The following NLRP9 variants were observed in gnomAD, a reference collection of about 807,000 sequenced individuals.
NLRP9 encodes the protein NACHT, LRR and PYD domains-containing protein 9.
A neutral mutation model predicts 83.1 loss-of-function variants in NLRP9; 88 were observed. The ratio of observed to expected loss-of-function variants is 1.06; its 90% CI spans 0.89 to 1.26. The LOEUF (loss-of-function observed/expected upper bound fraction) is 1.26, where lower values mean the gene tolerates loss of function less well. NLRP9 is among the 50% of genes most tolerant of loss of function. The pLI is 0.00. For synonymous variants in NLRP9, 521 were observed against 447.6 expected (o/e 1.16, Z -2.07); for missense variants, 1,308 against 1,179.3 (o/e 1.11, Z -1.60).
chr19:55,711,273 A>G, intron 8 of NLRP9: 1 of 691,052 alleles, frequency 1.4e-6, no homozygotes, highest in Non-Finnish European at 1.8e-6. Flanking sequence ...TTTAAAAATT[A>G]AAAAAATAAA....
At position 55,738,246 on chromosome 19, in the gene NLRP9, G is replaced by A; in HGVS notation, c.129C>T (p.Pro43=). The change falls in exon 1 of 9, where the codon CCC becomes CCT. Residue 43 remains proline (P), a synonymous_variant. Transcript: ENST00000332836. ...TGGAGGCCTTCTTCAGCTCAGCCCA[G>A]GGGATTGGCTTGAGTTCAAATTTCT... ...PLEKFELKPI[P]WAELKKASKE... 1.2e-6 allele frequency: 2 copies of A among 1,614,138 alleles called. No homozygotes were observed. Among genetic ancestry groups the A allele is most frequent in the African/African-American group, 1.3e-5 (1 of 75,034 alleles).
In NLRP9 at chr19:55,733,543, T is replaced by C. The variant is rs1988674046; in HGVS notation, c.288A>G (p.Leu96=). Residue 96 remains leucine, a synonymous_variant, in exon 2 of 9, where the codon CTA becomes CTG. Coordinates refer to ENST00000332836, the MANE Select transcript of NLRP9 (RefSeq NM_176820.4). ...CCTTCATATGCTTTCTGTATGGGTT[T>C]AGCTTATCTGTGTTAATGAGAACAG... ...TKAQEEMRNK[L]NPYRKHMKET... is the part of the protein sequence containing the mutation. The C allele has an allele frequency of 2.6e-6, 4 of 1,562,786 alleles. No individual in the cohort carries two copies. Among genetic ancestry groups the C allele is most frequent in the Non-Finnish European group, 3.5e-6 (4 of 1,149,740 alleles).
intron 5 of NLRP9, 28 bp downstream of exon 5, chr19:55,716,700 C>T (rs749490934): frequency 3.2e-5 from 51 of 1,600,738 alleles, no homozygotes; most frequent in African/African-American, 5.4e-5. Context: ...CAGAAATCTC[C>T]GAACGTGCTT....
rs1226517674 is a variant in NLRP9 at position 55,733,258 on chromosome 19, G to A, written c.573C>T (p.Asn191=). The part of the protein sequence containing the change: ...FVFFLNVCEM[N]GIAETSLLEL... ...CCAGTAAGCTGGTCTCTGCGATACC[G>A]TTCATTTCACAGACATTGAGGAAAA... Residue 191 remains asparagine (N), a synonymous_variant, in exon 2 of 9, where the codon AAC becomes AAT. Coordinates refer to ENST00000332836, the MANE Select transcript of NLRP9 (RefSeq NM_176820.4). 8.7e-6 allele frequency: 14 copies of A among 1,613,654 alleles called. No homozygotes were observed. Among genetic ancestry groups the A allele is most frequent in the South Asian group, 5.5e-5 (5 of 91,046 alleles).
chr19:55,732,663 C>T lies in NLRP9; in HGVS notation c.1168G>A (p.Ala390Thr), dbSNP rs777812299. ...AAAGCACACAGGCTTTTTAGTCGGGCTCTGTTCACCTTAGGTGGAAAACTC... is the reference window on the plus strand; with the variant it reads ...AAAGCACACAGGCTTTTTAGTCGGGTTCTGTTCACCTTAGGTGGAAAACTC... The part of the protein sequence containing the change: ...SQSFPPKVNR[A>T]RLKSLCALAA... Residue 390 changes from alanine to threonine, a missense_variant, in exon 2 of 9, where the codon GCC (alanine) becomes ACC (threonine). By Grantham distance (58) the Ala-to-Thr change is moderately conservative (BLOSUM62 0). Transcript: ENST00000332836. The T allele has an allele frequency of 3.1e-6, 5 of 1,614,072 alleles. No individual in the cohort carries two copies. In the African/African-American group the frequency reaches 6.7e-5, roughly 22 times the overall value.
intron 3 of NLRP9, among the ~76,000 whole-genome samples, chr19:55,728,495 C>T (rs1988465928): frequency 6.6e-6 from 1 of 152,064 alleles, no homozygotes; most frequent in African/African-American, 2.4e-5. Flanking sequence ...TCGCTTGAAC[C>T]CGGGAGGTGG....
chr19:55,719,274 T>A (rs1988142628), intron 4 of NLRP9, among the ~76,000 whole-genome samples: 1 of 152,194 alleles, frequency 6.6e-6, no homozygotes, highest in Admixed American at 6.5e-5. Context: ...CACCTCAGCC[T>A]CCCAACTAGC....
At position 55,732,056 on chromosome 19, in the gene NLRP9, G is replaced by A. The variant is rs375858611; in HGVS notation, c.1775C>T (p.Thr592Met). The change falls in exon 2 of 9, where the codon ACG becomes ATG. Residue 592 changes from threonine to methionine, a missense_variant. Transcript: ENST00000332836. ...ATTCTCCACACACATGCGAAGTGTC[G>A]TTAAATGTTGACAATGCTTCAGGCA... ...SFCLKHCQHL[T>M]TLRMCVENIF... The A allele has an allele frequency of 4.4e-5, 70 of 1,604,944 alleles. No homozygotes were observed. The highest frequency in any genetic ancestry group is 5.2e-5 in the Non-Finnish European group (61 of 1,176,986).
intron 8 of NLRP9, chr19:55,709,439 A>C (rs1374437096): frequency 1.3e-5 from 2 of 153,068 alleles, no homozygotes; most frequent in African/African-American, 4.8e-5. Flanking sequence ...TCATGTACCC[A>C]TCACCAACTT....
In NLRP9 at chr19:55,734,323, C is replaced by T. The variant is rs575291872; in HGVS notation, c.281-773G>A. 2.2e-5 allele frequency among the ~76,000 whole-genome samples: 3 copies of T among 134,892 alleles called. No homozygotes were observed. In the East Asian group the frequency reaches 6.6e-4, roughly 30 times the overall value. The allele number at this position is 134,892 out of a possible 152,430, so 88.5% of individuals were successfully genotyped here. A position where few individuals can be genotyped will look rare whatever the true frequency, so the allele number is the denominator to read the frequency against. On this transcript the variant is annotated intron_variant, in intron 1 of 8. Transcript: ENST00000332836. The stretch of plus-strand genomic sequence containing the variant: ...AGATTGCAATAAGCCAACATTACAC[C>T]ACTGCACTCAAGCCTGGGCAACAGC...
At chr19:55,720,427 G>A (rs988771936) in intron 4 of NLRP9, among the ~76,000 whole-genome samples, 1 of 152,232 alleles carries the variant, frequency 6.6e-6, no homozygotes, top group Non-Finnish European at 1.5e-5. Flanking sequence ...TTGGGCTCAA[G>A]AGATCCTCCT....
intron 6 of NLRP9, among the ~76,000 whole-genome samples, chr19:55,713,290 T>C (rs1035352473): frequency 3.3e-5 from 5 of 151,480 alleles, no homozygotes; most frequent in Admixed American, 6.6e-5. Flanking sequence ...TACTCCCTAA[T>C]ACAGATAGAC....
chr19:55,734,037 C>T (rs1044087379), intron 1 of NLRP9, among the ~76,000 whole-genome samples: 65 of 150,526 alleles, frequency 4.3e-4, no homozygotes, highest in Non-Finnish European at 8.9e-4. Context: ...ATTCTCCTGC[C>T]GCAGCCTCCC....
At chr19:55,730,088 C>G in intron 2 of NLRP9, 96 bp from the exon 3 acceptor site, 1 of 1,111,940 alleles carries the variant, frequency 9.0e-7, no homozygotes, top group Non-Finnish European at 1.3e-6. Flanking sequence ...CACCTCAAAG[C>G]TGACAGACAC....
intron 8 of NLRP9, chr19:55,711,268 A>G: frequency 4.6e-6 from 3 of 659,066 alleles, no homozygotes; most frequent in Non-Finnish European, 5.6e-6. Context: ...TAACTTTTAA[A>G]AATTAAAAAA....
At position 55,733,497 on chromosome 19, in the gene NLRP9, C is replaced by A; in HGVS notation, c.334G>T (p.Glu112Ter). Residue 112 changes from glutamate (E) to a stop codon, truncating the protein, a stop_gained, in exon 2 of 9, where the codon GAG becomes TAG. Coordinates refer to ENST00000332836, the MANE Select transcript of NLRP9 (RefSeq NM_176820.4). LOFTEE classifies it high-confidence loss of function. ...HMKETFQLIWEKETCLHVPEH... is the reference protein window; with the variant it reads ...HMKETFQLIW ...GGGACGTGAAGACAGGTTTCCTTCT[C>A]CCATATGAGTTGAAATGTTTCCTTC... 6.2e-7 allele frequency: 1 copy of A among 1,611,182 alleles called. No homozygotes were observed. Among genetic ancestry groups the A allele is most frequent in the South Asian group, 1.1e-5 (1 of 90,454 alleles).
Position 55,732,812 on chromosome 19 carries a change from C to T in NLRP9, c.1019G>A (p.Cys340Tyr). The change falls in exon 2 of 9, where the codon TGC becomes TAC. Residue 340 changes from cysteine (C) to tyrosine (Y), a missense_variant. By Grantham distance (194) the Cys-to-Tyr change is radical (BLOSUM62 -2). Coordinates refer to ENST00000332836, the MANE Select transcript of NLRP9 (RefSeq NM_176820.4). ...LFILCHNPFT[C>Y]WLVCTCVKQR... ...TTTCACACAAGTACAGACCAACCAG[C>T]ACGTAAAGGGATTATGGCACAAGAT... is the stretch of plus-strand genomic sequence containing the variant. The T allele has an allele frequency of 6.2e-7, 1 of 1,614,146 alleles. No individual in the cohort carries two copies. The highest frequency in any genetic ancestry group is 8.5e-7 in the Non-Finnish European group (1 of 1,180,024).
At chr19:55,712,751 G>A (rs1987792328) in intron 6 of NLRP9, among the ~76,000 whole-genome samples, 161 bp from the exon 7 acceptor site, 1 of 103,896 alleles carries the variant, frequency 9.6e-6, no homozygotes, top group Non-Finnish European at 1.9e-5. Context: ...AGGGAGGAGA[G>A]AAGAGCAGAG....
chr19:55,727,424 C>T (rs1381840104), intron 3 of NLRP9, among the ~76,000 whole-genome samples: 1 of 152,136 alleles, frequency 6.6e-6, no homozygotes, highest in Admixed American at 6.6e-5. Flanking sequence ...CCATTGACCT[C>T]ATGTGAAAAT....
Sources: allele counts gnomAD v4.1 joint callset (sites outside exome capture counted in the v4.1 genomes callset), GRCh38; gene constraint gnomAD v4.1.1; transcripts MANE v1.5; gene names NCBI Gene and HGNC (gene_info 2026-07-23, HGNC 2026-07-21).